Variants in KLF12 observed in about 807,000 individuals in gnomAD.
KLF12 encodes KLF transcription factor 12, also known as Krueppel-like factor 12.
Under a neutral mutation model 37.8 loss-of-function variants are expected in KLF12, and 9 were observed. The observed-to-expected ratio is 0.24, with a 90% CI of 0.14 to 0.42. KLF12 has a LOEUF of 0.42. Among genes scored for constraint, KLF12 ranks in the 10% least tolerant of loss-of-function variants. The pLI, the probability that KLF12 is intolerant of heterozygous loss-of-function variation, is 1.00. For missense variants in KLF12, 411 were observed against 516.0 expected (o/e 0.80, Z 1.97); for synonymous variants, 208 against 202.1 (o/e 1.03, Z -0.25).
intron 6 of KLF12, among the ~76,000 whole-genome samples, chr13:73,743,805 G>A (rs1246513164): frequency 6.6e-6 from 1 of 152,162 alleles, no homozygotes; most frequent in African/African-American, 2.4e-5. Flanking sequence ...TCATCAGTGA[G>A]AAGAACCAAA....
At chr13:73,827,540 T>C (rs779698826) in intron 4 of KLF12, among the ~76,000 whole-genome samples, 1 of 152,236 alleles carries the variant, frequency 6.6e-6, no homozygotes, top group Middle Eastern at 3.4e-3. Context: ...TATCATTTGG[T>C]CCAGAATTTT....
chr13:74,005,648 AT>A (rs71981224), intron 1 of KLF12, among the ~76,000 whole-genome samples: 15,819 of 152,162 alleles, frequency 0.1, 1,547 homozygotes, highest in African/African-American at 0.26. Flanking sequence ...GCTATGAAGT[AT>A]TACACATGAC....
At chr13:74,006,479 T>A (rs1370452551) in intron 1 of KLF12, among the ~76,000 whole-genome samples, 1 of 152,222 alleles carries the variant, frequency 6.6e-6, no homozygotes, top group Non-Finnish European at 1.5e-5. Flanking sequence ...CTCTACTTTT[T>A]GTCCACATAT....
the KLF12 span, among the ~76,000 whole-genome samples, chr13:74,288,087 A>T: frequency 6.6e-6 from 1 of 151,686 alleles, no homozygotes; most frequent in South Asian, 2.1e-4. Flanking sequence ...AGGAAAAAAA[A>T]ACTGGGGAGA....
At chr13:73,736,005 A>C (rs990496196) in intron 6 of KLF12, among the ~76,000 whole-genome samples, 1 of 151,304 alleles carries the variant, frequency 6.6e-6, no homozygotes, top group Non-Finnish European at 1.5e-5. Flanking sequence ...AATAATAACC[A>C]GTTGTACTAC....
At position 73,786,062 on chromosome 13, in the gene KLF12, T is replaced by G. The variant is rs145610834; in HGVS notation, c.807-21062A>C. Among the ~76,000 whole-genome samples, 290 of 151,868 alleles carry G rather than the reference T, an allele frequency of 1.9e-3. 1 individual carries two copies. Among genetic ancestry groups the G allele is most frequent in the Non-Finnish European group, 3.6e-3 (242 of 67,858 alleles). On this transcript the variant is annotated intron_variant, in intron 5 of 7. Coordinates refer to ENST00000377669, the MANE Select transcript of KLF12 (RefSeq NM_007249.5). ...ACAGAGGTGAGCAGTGTTAGGGAGT[T>G]GCCCTGTGCAAAGAGGCTGGGTCTT...
chr13:74,040,729 A>G lies in KLF12; in HGVS notation c.-31-45676T>C, dbSNP rs569530385. Among the ~76,000 whole-genome samples the G allele has an allele frequency of 1.8e-3, 270 of 152,304 alleles. 1 individual carries two copies. Among genetic ancestry groups the G allele is most frequent in the Non-Finnish European group, 2.9e-3 (197 of 68,028 alleles). ...TGCTTAAATACACACCCTACATATA[A>G]TATAGTCATACAAAACAGTATTCCC... On this transcript the variant is annotated intron_variant, in intron 1 of 7. Transcript: ENST00000377669.
chr13:73,696,369 G>T (rs1037514865), intron 7 of KLF12, among the ~76,000 whole-genome samples: 1 of 152,172 alleles, frequency 6.6e-6, no homozygotes. Flanking sequence ...GAGAAAAGCT[G>T]TCTGAAGAAG....
intron 3 of KLF12, among the ~76,000 whole-genome samples, chr13:73,897,927 A>G (rs1423161921): frequency 6.6e-6 from 1 of 152,210 alleles, no homozygotes; most frequent in Admixed American, 6.5e-5. Flanking sequence ...GCCCACTCCT[A>G]TGAGCCCCTA....
At chr13:73,807,601 G>A (rs987906597) in intron 5 of KLF12, among the ~76,000 whole-genome samples, 1 of 152,138 alleles carries the variant, frequency 6.6e-6, no homozygotes, top group African/African-American at 2.4e-5. Context: ...TTTCATAGGT[G>A]CAGTTATCAG....
chr13:74,280,825 C>CT, the KLF12 span, among the ~76,000 whole-genome samples: 2,042 of 110,522 alleles, frequency 0.018, 64 homozygotes, highest in African/African-American at 0.051. Flanking sequence ...TTTCTTTTTT[C>CT]TTTTTTTTTT....
chr13:73,861,199 G>A (rs1885907954), intron 3 of KLF12, among the ~76,000 whole-genome samples: 1 of 152,024 alleles, frequency 6.6e-6, no homozygotes, highest in Admixed American at 6.6e-5. Context: ...TGGCATGAAG[G>A]TTATAAATCC....
intron 6 of KLF12, among the ~76,000 whole-genome samples, chr13:73,715,897 A>C (rs1346574635): frequency 6.6e-6 from 1 of 152,214 alleles, no homozygotes; most frequent in Non-Finnish European, 1.5e-5. Context: ...ATATTTTAAG[A>C]AGGCTTGCTA....
the KLF12 span, among the ~76,000 whole-genome samples, chr13:74,304,230 C>T: frequency 2.6e-5 from 4 of 152,264 alleles, no homozygotes; most frequent in Admixed American, 1.3e-4. Flanking sequence ...AATTTCATAT[C>T]GTTTGCACTG....
chr13:74,255,476 C>T, the KLF12 span, among the ~76,000 whole-genome samples: 1 of 152,174 alleles, frequency 6.6e-6, no homozygotes, highest in African/African-American at 2.4e-5. Flanking sequence ...TATCATTTAA[C>T]AGCAGGCTAC....
intron 3 of KLF12, among the ~76,000 whole-genome samples, chr13:73,895,070 TC>T (rs1397297150): frequency 6.6e-6 from 1 of 152,232 alleles, no homozygotes; most frequent in African/African-American, 2.4e-5. Context: ...GCTGGGTATT[TC>T]CATTTATGAA....
chr13:74,067,780 A>AT lies in KLF12; in HGVS notation c.-32+65958_-32+65959insA, dbSNP rs562595324. Among the ~76,000 whole-genome samples the AT allele has an allele frequency of 6.6e-5, 10 of 152,352 alleles. No individual in the cohort carries two copies. The South Asian group carries it at 2.1e-3, about 32-fold the overall frequency. The stretch of plus-strand genomic sequence containing the variant: ...CAGATATATAAGCATGCACACTTCC[A>AT]GGAGACAGGTGCTCAAAATGGTCTT... On this transcript the variant is annotated intron_variant, in intron 1 of 7. Transcript: ENST00000377669.
At chr13:74,012,722 C>A (rs1299429687) in intron 1 of KLF12, among the ~76,000 whole-genome samples, 1 of 152,160 alleles carries the variant, frequency 6.6e-6, no homozygotes, top group African/African-American at 2.4e-5. Context: ...TCATAATTTT[C>A]ATAACAGGTA....
At chr13:74,048,934 G>C (rs544312692) in intron 1 of KLF12, among the ~76,000 whole-genome samples, 1 of 152,190 alleles carries the variant, frequency 6.6e-6, no homozygotes, top group Non-Finnish European at 1.5e-5. Context: ...GGCCAATTGT[G>C]AAGAAAAATA....
Sources: allele counts gnomAD v4.1 joint callset (sites outside exome capture counted in the v4.1 genomes callset), GRCh38; gene constraint gnomAD v4.1.1; transcripts MANE v1.5; gene names NCBI Gene and HGNC (gene_info 2026-07-23, HGNC 2026-07-21).